APBA2: variants seen among roughly 807,000 people sequenced by gnomAD.
APBA2 encodes the protein amyloid beta precursor protein binding family A member 2.
In APBA2, 30 loss-of-function variants were observed where a neutral mutation model predicts 75.0. The observed-to-expected ratio is 0.40, with a 90% CI of 0.30 to 0.54. The LOEUF (loss-of-function observed/expected upper bound fraction) is 0.54. Ranked by LOEUF, APBA2 falls within the 20% of genes least tolerant of loss-of-function variation. The pLI is 0.49. For missense variants in APBA2, 801 were observed against 1,016.1 expected, an observed-to-expected ratio of 0.79 and a Z score of 2.88; for synonymous variants, 444 against 409.6, an observed-to-expected ratio of 1.08 and a Z score of -1.01.
intron 2 of APBA2, among the ~76,000 whole-genome samples, chr15:28,940,552 C>CAAA (rs368324458): frequency 0.027 from 3,073 of 114,304 alleles, 133 homozygotes; most frequent in African/African-American, 0.09. Flanking sequence ...GACTCTGTAT[C>CAAA]AAAAAAAAAG....
intron 1 of APBA2, among the ~76,000 whole-genome samples, chr15:28,916,496 G>T (rs1285104033): frequency 2.0e-5 from 3 of 152,184 alleles, no homozygotes; most frequent in African/African-American, 7.2e-5. Flanking sequence ...GGCCCCCTCT[G>T]CTCCCACCTG....
At chr15:28,909,225 C>T (rs1249757080) in intron 1 of APBA2, among the ~76,000 whole-genome samples, 11 of 152,004 alleles carry the variant, frequency 7.2e-5, no homozygotes, top group African/African-American at 1.4e-4. Flanking sequence ...CTCCTGACCT[C>T]GTGATCCGCC....
chr15:28,914,399 C>A (rs1190658829), intron 1 of APBA2, among the ~76,000 whole-genome samples: 2 of 152,166 alleles, frequency 1.3e-5, no homozygotes, highest in Non-Finnish European at 2.9e-5. Context: ...ATGAAGGATT[C>A]AGAATTGCAG....
At chr15:29,102,134 C>T (rs951112303) in intron 10 of APBA2, 1 of 411,834 alleles carries the variant, frequency 2.4e-6, no homozygotes, top group African/African-American at 2.0e-5. Context: ...TCGCATGGCC[C>T]TGGCATGCTG....
At chr15:29,092,715 C>T (rs148175249) in intron 6 of APBA2, among the ~76,000 whole-genome samples, 19 of 152,254 alleles carry the variant, frequency 1.2e-4, no homozygotes, top group Non-Finnish European at 2.6e-4. Context: ...AGCATGAGTT[C>T]CGGGGCTGTG....
At chr15:29,063,826 G>A (rs547249888) in intron 4 of APBA2, among the ~76,000 whole-genome samples, 32 of 152,140 alleles carry the variant, frequency 2.1e-4, no homozygotes, top group African/African-American at 6.8e-4. Context: ...GCAGGGGTGA[G>A]GACACTAGTG....
intron 1 of APBA2, among the ~76,000 whole-genome samples, chr15:28,906,213 G>C (rs865959662): frequency 6.6e-6 from 1 of 152,108 alleles, no homozygotes; most frequent in Non-Finnish European, 1.5e-5. Context: ...TTTACTTTAA[G>C]TTCTGGAATA....
intron 2 of APBA2, among the ~76,000 whole-genome samples, chr15:28,940,949 A>G (rs2035187959): frequency 6.6e-6 from 1 of 152,258 alleles, no homozygotes; most frequent in Admixed American, 6.5e-5. Context: ...TCACCTGATG[A>G]GGCCAGAGAT....
At chr15:28,978,438 C>T (rs1024476180) in intron 2 of APBA2, among the ~76,000 whole-genome samples, 4 of 152,152 alleles carry the variant, frequency 2.6e-5, no homozygotes, top group African/African-American at 4.8e-5. Flanking sequence ...TGCCCCAGGC[C>T]GGTGGCACAC....
At chr15:29,017,397 C>CTTTTT (rs56993296) in intron 3 of APBA2, among the ~76,000 whole-genome samples, 305 of 102,056 alleles carry the variant, frequency 3.0e-3, no homozygotes, top group Middle Eastern at 6.1e-3. Context: ...TTCTTTCTTT[C>CTTTTT]TTTTTTTTTT....
chr15:29,114,701 T>C (rs62007240), intron 14 of APBA2, among the ~76,000 whole-genome samples: 4 of 23,588 alleles, frequency 1.7e-4, no homozygotes, highest in Non-Finnish European at 5.7e-4. Context: ...GAAATGAGTG[T>C]GTGCGTGCAC....
intron 2 of APBA2, chr15:28,990,398 A>C (rs1011898704): frequency 5.9e-5 from 9 of 151,996 alleles, no homozygotes; most frequent in Non-Finnish European, 1.0e-4. Flanking sequence ...GTCTTAAAAA[A>C]AAAAAAAAAA....
intron 9 of APBA2, among the ~76,000 whole-genome samples, chr15:29,099,133 G>C (rs1282115005): frequency 6.6e-6 from 1 of 152,146 alleles, no homozygotes; most frequent in Non-Finnish European, 1.5e-5. Flanking sequence ...CTCAGGCACT[G>C]GGCTTGCGAC....
intron 3 of APBA2, among the ~76,000 whole-genome samples, chr15:29,047,865 A>T (rs144578252): frequency 9.2e-5 from 14 of 152,332 alleles, no homozygotes; most frequent in African/African-American, 3.4e-4. Flanking sequence ...AACAATAACC[A>T]GGTAAATATA....
At chr15:29,071,735 C>A (rs1027115118) in intron 4 of APBA2, among the ~76,000 whole-genome samples, 6 of 151,190 alleles carry the variant, frequency 4.0e-5, no homozygotes, top group African/African-American at 1.5e-4. Context: ...GCATCACAAG[C>A]CCACCCTCCT....
chr15:29,042,501 G>T (rs796391602), intron 3 of APBA2, among the ~76,000 whole-genome samples: 1 of 151,896 alleles, frequency 6.6e-6, no homozygotes, highest in East Asian at 1.9e-4. Flanking sequence ...CTTGTGATCC[G>T]CCCGCCTCGG....
chr15:28,941,572 A>G (rs1199367401), intron 2 of APBA2, among the ~76,000 whole-genome samples: 2 of 151,580 alleles, frequency 1.3e-5, no homozygotes, highest in South Asian at 2.1e-4. Context: ...AAAGGCACAC[A>G]TAGTGTGTGT....
intron 2 of APBA2, among the ~76,000 whole-genome samples, chr15:28,954,178 A>G (rs1345773706): frequency 6.6e-6 from 1 of 152,162 alleles, no homozygotes; most frequent in East Asian, 1.9e-4. Context: ...CTGCCGTGCG[A>G]TGAGAGCCTG....
In APBA2 at chr15:29,054,668, G is replaced by T; in HGVS notation, c.784G>T (p.Val262Leu). 1 of 1,614,126 alleles carries T rather than the reference G, an allele frequency of 6.2e-7. No individual in the cohort carries two copies. Among genetic ancestry groups the T allele is most frequent in the Non-Finnish European group, 8.5e-7 (1 of 1,180,036 alleles). ...GCCTGAGCCAGGGCCTGAGGACTCT[G>T]TAGAGGCCTGCCCACCCATCAAGGC... ...HGPEPGPEDS[V>L]EACPPIKASC... is the part of the protein sequence containing the mutation. The change falls in exon 4 of 15, where the codon GTA becomes TTA. Residue 262 changes from valine to leucine, a missense_variant. Transcript: ENST00000683413. The surrounding 1 kb of genome is among the most constrained non-coding windows in gnomAD (Gnocchi z 6.1).
Sources: gnomAD v4.1 joint callset for allele counts (sites outside exome capture counted in the v4.1 genomes callset) on GRCh38, gnomAD v4.1.1 for gene constraint, Gnocchi (gnomAD v3.1) non-coding constraint, MANE v1.5 for transcripts, NCBI Gene and HGNC (gene_info 2026-07-23, HGNC 2026-07-21) for gene names.